The following CACNA1H variants were observed in gnomAD, a reference collection of about 807,000 sequenced individuals.
CACNA1H encodes voltage-dependent T-type calcium channel subunit alpha-1H.
CACNA1H carries 149 observed loss-of-function variants against 192.5 expected under a neutral mutation model. That is an observed-to-expected ratio of 0.77 (90% CI 0.68 to 0.89). CACNA1H has a LOEUF of 0.89. Among genes scored for constraint, CACNA1H ranks in the 40% least tolerant of loss-of-function variants. The probability of loss-of-function intolerance (pLI) is 0.00; values close to 1 mark genes in which losing one functional copy is unlikely to be tolerated. For synonymous variants in CACNA1H, 2,202 were observed against 1,475.2 expected (o/e 1.49, Z -11.29); for missense variants, 4,257 against 3,423.5 (o/e 1.24, Z -6.08).
chr16:1,220,374 G>A lies in CACNA1H; in HGVS notation c.6442G>A (p.Gly2148Ser). The A allele has an allele frequency of 1.3e-6, 2 of 1,524,064 alleles. No individual in the cohort carries two copies. The highest frequency in any genetic ancestry group is 8.7e-7 in the Non-Finnish European group (1 of 1,144,178). 94.4% of individuals were successfully genotyped at this position (1,524,064 alleles called of 1,614,324 possible). A position where few individuals can be genotyped will look rare whatever the true frequency, so the allele number is the denominator to read the frequency against. Residue 2148 changes from glycine to serine, a missense_variant, in exon 35 of 35, where the codon GGC becomes AGC. Transcript: ENST00000348261. ...TGCTCAGGGCTTCCTGGACAAGCCGGGCCGGGCAGACGAGCAGTGGCGGCC... is the reference window on the plus strand; with the variant it reads ...TGCTCAGGGCTTCCTGGACAAGCCGAGCCGGGCAGACGAGCAGTGGCGGCC... ...VDAQGFLDKPGRADEQWRPSA... is the reference protein window; with the variant it reads ...VDAQGFLDKPSRADEQWRPSA...
chr16:1,193,983 G>T (rs1320312506), intron 2 of CACNA1H, among the ~76,000 whole-genome samples: 1 of 152,134 alleles, frequency 6.6e-6, no homozygotes, highest in Non-Finnish European at 1.5e-5. Flanking sequence ...CAGGACCTCC[G>T]CTGTAGTGAG....
At position 1,218,589 on chromosome 16, in the gene CACNA1H, C is replaced by T. The variant is rs72552053; in HGVS notation, c.5825C>T (p.Ala1942Val). The change falls in exon 33 of 35, where the codon GCG becomes GTG. Residue 1942 changes from alanine to valine, a missense_variant. Coordinates refer to ENST00000348261, the MANE Select transcript of CACNA1H (RefSeq NM_021098.3). ...YMFRPVVPAS[A>V]PHPRPLQEVE... ...TTCAGGCCCGTGGTGCCTGCCTCGG[C>T]GCCCCACCCCCGCCCGCTGCAGGAG... 76 of 1,565,426 alleles carry T rather than the reference C, an allele frequency of 4.9e-5. 2 individuals carry two copies. Among genetic ancestry groups the T allele is most frequent in the African/African-American group, 4.7e-4 (35 of 73,964 alleles).
Position 1,206,304 on chromosome 16 carries a change from C to A in CACNA1H, c.2789+15C>A. 6.5e-7 allele frequency: 1 copy of A among 1,547,356 alleles called. No individual in the cohort carries two copies. Among genetic ancestry groups the A allele is most frequent in the Non-Finnish European group, 8.7e-7 (1 of 1,145,714 alleles). On this transcript the variant is annotated intron_variant, in intron 12 of 34. Coordinates refer to ENST00000348261, the MANE Select transcript of CACNA1H (RefSeq NM_021098.3). ...TTCATCTTCAGGTGGGCGCAACCCC[C>A]CTCCCGGCCCGCCCAGTGTCTCACC...
At chr16:1,203,986 C>T in intron 9 of CACNA1H, 24 bp from the exon 10 acceptor site, 1 of 1,505,452 alleles carries the variant, frequency 6.6e-7, no homozygotes, top group Non-Finnish European at 8.9e-7. Flanking sequence ...GTGGGCCTGC[C>T]CCTGTCTGTG....
At chr16:1,171,471 G>A (rs889599908) in intron 2 of CACNA1H, among the ~76,000 whole-genome samples, 86 of 152,226 alleles carry the variant, frequency 5.6e-4, no homozygotes, top group African/African-American at 1.9e-3. Flanking sequence ...AGAGCCTGGA[G>A]CCCGGAGGAG....
chr16:1,203,751 C>T (rs1968293072), intron 9 of CACNA1H, among the ~76,000 whole-genome samples: 1 of 152,182 alleles, frequency 6.6e-6, no homozygotes, highest in South Asian at 2.1e-4. Flanking sequence ...TCACATGGCT[C>T]TTTGGTTTCT....
intron 14 of CACNA1H, 21 bp downstream of exon 14, chr16:1,207,451 G>T: frequency 6.2e-7 from 1 of 1,609,284 alleles, no homozygotes; most frequent in Non-Finnish European, 8.5e-7. Flanking sequence ...AGGGAGAGGG[G>T]CTGCCAGGAG....
rs770089825 is a variant in CACNA1H at position 1,207,046 on chromosome 16, A to G, written c.2835A>G (p.Thr945=). 1.1e-5 allele frequency: 17 copies of G among 1,601,338 alleles called. No homozygotes were observed. The highest frequency in any genetic ancestry group is 2.3e-5 in the East Asian group (1 of 44,364). Residue 945 remains threonine (T), a synonymous_variant, in exon 13 of 35, where the codon ACA becomes ACG. Transcript: ENST00000348261. ...TCGGCTGCAAGTTCAGCCTGAAGAC[A>G]GACACCGGAGACACCGTGCCTGACA... ...HLFGCKFSLK[T]DTGDTVPDRK... is the part of the protein sequence containing the mutation.
chr16:1,182,165 A>G (rs963960116), intron 2 of CACNA1H, among the ~76,000 whole-genome samples: 7 of 151,894 alleles, frequency 4.6e-5, no homozygotes, highest in Admixed American at 3.3e-4. Context: ...AGGTGATGTG[A>G]TTGTTTTGGC....
chr16:1,199,668 C>A (rs34997164), intron 6 of CACNA1H, among the ~76,000 whole-genome samples: 2 of 149,772 alleles, frequency 1.3e-5, no homozygotes, highest in African/African-American at 4.9e-5. Flanking sequence ...CCCCTCAACC[C>A]TCACCCCGGG....
chr16:1,218,090 C>G (rs1468662687), intron 32 of CACNA1H, 50 bp downstream of exon 32: 2 of 1,569,796 alleles, frequency 1.3e-6, no homozygotes, highest in Admixed American at 1.8e-5. Context: ...AGCGGTTTTT[C>G]AGGCTCTCCC....
At chr16:1,156,143 A>AC (rs999446784) in intron 2 of CACNA1H, among the ~76,000 whole-genome samples, 6 of 150,228 alleles carry the variant, frequency 4.0e-5, no homozygotes, top group African/African-American at 1.5e-4. Context: ...GCACGGCAGG[A>AC]CCCCCCACCC....
At position 1,153,181 on chromosome 16, in the gene CACNA1H, C is replaced by CCGCGCCG. The variant is rs1341434919; in HGVS notation, c.-302_-301insGCGCGCC. The CCGCGCCG allele has an allele frequency of 6.9e-6, 1 of 144,288 alleles. No individual in the cohort carries two copies. Among genetic ancestry groups the CCGCGCCG allele is most frequent in the African/African-American group, 2.5e-5 (1 of 40,076 alleles). The allele number at this position is 144,288 out of a possible 1,614,324, so 8.9% of individuals were successfully genotyped here. ...GCCTCACCGGTCCCCGGCCCGCGCC[C>CCGCGCCG]CGCGCCCCGCGCCCCGCGCCCCGGC... On this transcript the variant is annotated 5_prime_UTR_variant, in exon 1 of 35. Transcript: ENST00000348261.
Position 1,220,741 on chromosome 16 carries a change from C to T in CACNA1H, c.6809C>T (p.Pro2270Leu), listed in dbSNP as rs778943919. Residue 2270 changes from proline to leucine, a missense_variant, in exon 35 of 35, where the codon CCG becomes CTG. Coordinates refer to ENST00000348261, the MANE Select transcript of CACNA1H (RefSeq NM_021098.3). Reference protein sequence around the residue: ...HLTVPSFAFEPLDLGVPSGDP... With the variant: ...HLTVPSFAFELLDLGVPSGDP... ...ACCGTCCCCAGCTTTGCCTTTGAGC[C>T]GCTGGACCTCGGGGTCCCCAGTGGA... The T allele has an allele frequency of 1.2e-5, 20 of 1,612,352 alleles. No individual in the cohort carries two copies. Among genetic ancestry groups the T allele is most frequent in the African/African-American group, 2.7e-5 (2 of 74,886 alleles).
At position 1,200,215 on chromosome 16, in the gene CACNA1H, C is replaced by T. The variant is rs368248728; in HGVS notation, c.804-41C>T. The T allele has an allele frequency of 2.1e-5, 32 of 1,523,602 alleles. No individual in the cohort carries two copies. In the African/African-American group the frequency reaches 2.9e-4, roughly 14 times the overall value. 94.4% of individuals were successfully genotyped at this position (1,523,602 alleles called of 1,614,324 possible). A position where few individuals can be genotyped will look rare whatever the true frequency, so the allele number is the denominator to read the frequency against. ...TGCCCCCGACTCTGACCGTCCCTGA[C>T]CCTGATTGTACCTTTTGGCCCTGGC... On this transcript the variant is annotated intron_variant, in intron 6 of 34. Transcript: ENST00000348261.
chr16:1,168,311 T>C (rs1964008747), intron 2 of CACNA1H, among the ~76,000 whole-genome samples: 1 of 151,856 alleles, frequency 6.6e-6, no homozygotes, highest in Admixed American at 6.5e-5. Flanking sequence ...GCCTGAGGCC[T>C]GCAGTTCCCA....
intron 16 of CACNA1H, 103 bp downstream of exon 16, chr16:1,208,324 C>A (rs527961489): frequency 2.6e-6 from 2 of 769,622 alleles, no homozygotes; most frequent in Middle Eastern, 3.5e-4. Flanking sequence ...ACCCCCCACA[C>A]CCTTGAAGTC....
intron 34 of CACNA1H, among the ~76,000 whole-genome samples, chr16:1,219,377 C>T (rs1310957688): frequency 6.6e-6 from 1 of 152,200 alleles, no homozygotes; most frequent in Non-Finnish European, 1.5e-5. Context: ...TCTTCTTGGA[C>T]CCACAGCTTC....
intron 27 of CACNA1H, 87 bp downstream of exon 27, chr16:1,214,018 G>A (rs1425935083): frequency 2.2e-5 from 25 of 1,152,922 alleles, no homozygotes; most frequent in East Asian, 1.8e-4. Context: ...CTGGACCGGC[G>A]CTCCGCTGAG....
Sources: gnomAD v4.1 joint callset for allele counts (sites outside exome capture counted in the v4.1 genomes callset) on GRCh38, gnomAD v4.1.1 for gene constraint, MANE v1.5 for transcripts, NCBI Gene and HGNC (gene_info 2026-07-23, HGNC 2026-07-21) for gene names.